Variants in ADAMTS17 observed in about 807,000 individuals in gnomAD.
ADAMTS17 encodes A disintegrin and metalloproteinase with thrombospondin motifs 17.
Under a neutral mutation model 141.5 loss-of-function variants are expected in ADAMTS17, and 113 were observed. The observed-to-expected ratio is 0.80, with a 90% CI of 0.69 to 0.93. The LOEUF (loss-of-function observed/expected upper bound fraction) is 0.93. Ranked by LOEUF, ADAMTS17 falls within the 40% of genes least tolerant of loss-of-function variation. ADAMTS17 has a pLI of 0.00. For synonymous variants in ADAMTS17, 768 were observed against 630.6 expected, an observed-to-expected ratio of 1.22 and a Z score of -3.27; for missense variants, 1,659 against 1,517.9, an observed-to-expected ratio of 1.09 and a Z score of -1.54.
At chr15:100,000,752 A>G (rs1435931877) in intron 18 of ADAMTS17, among the ~76,000 whole-genome samples, 2 of 152,118 alleles carry the variant, frequency 1.3e-5, no homozygotes, top group Non-Finnish European at 2.9e-5. Context: ...ACCTTAAGTG[A>G]TCCACCTGCC....
chr15:99,982,450 T>C (rs2060499441), intron 20 of ADAMTS17, among the ~76,000 whole-genome samples: 1 of 152,180 alleles, frequency 6.6e-6, no homozygotes, highest in East Asian at 1.9e-4. Context: ...CAGACAGGTC[T>C]GAAGGGGCTG....
chr15:100,296,290 C>A (rs1031779634), intron 3 of ADAMTS17, among the ~76,000 whole-genome samples: 1 of 151,872 alleles, frequency 6.6e-6, no homozygotes, highest in African/African-American at 2.4e-5. Flanking sequence ...AGCAAAAGAT[C>A]TGTTTATAGA....
chr15:99,983,448 CCCCTA>C (rs891568447), intron 20 of ADAMTS17, among the ~76,000 whole-genome samples: 10 of 152,198 alleles, frequency 6.6e-5, no homozygotes, highest in South Asian at 4.1e-4. Context: ...GTCTCCATCA[CCCCTA>C]CCCTGATGAC....
At chr15:100,108,966 G>A (rs369246752) in intron 14 of ADAMTS17, 23 bp downstream of exon 14, 1 of 1,613,114 alleles carries the variant, frequency 6.2e-7, no homozygotes, top group Non-Finnish European at 8.5e-7. Context: ...GCCCCACCAA[G>A]GACCGAAGGA....
chr15:100,183,043 C>T (rs1185144270), intron 8 of ADAMTS17, among the ~76,000 whole-genome samples: 1 of 151,954 alleles, frequency 6.6e-6, no homozygotes, highest in Non-Finnish European at 1.5e-5. Flanking sequence ...GGCTGGAGTG[C>T]GGTGGCACGA....
At chr15:100,015,762 T>C (rs189731266) in intron 18 of ADAMTS17, among the ~76,000 whole-genome samples, 1 of 152,364 alleles carries the variant, frequency 6.6e-6, no homozygotes, top group East Asian at 1.9e-4. Context: ...TTTTCTTTTA[T>C]GGGTTACCTG....
intron 7 of ADAMTS17, among the ~76,000 whole-genome samples, chr15:100,223,412 GT>G (rs780815444): frequency 3.9e-5 from 6 of 152,088 alleles, no homozygotes; most frequent in Non-Finnish European, 8.8e-5. Flanking sequence ...TGAGTAACTA[GT>G]TTGCTACTTC....
At chr15:100,096,527 T>A in intron 14 of ADAMTS17, 51 bp from the exon 15 acceptor site, 1 of 1,613,124 alleles carries the variant, frequency 6.2e-7, no homozygotes, top group East Asian at 2.2e-5. Flanking sequence ...CAGAGGAGTT[T>A]TAAAGAGGCT....
intron 7 of ADAMTS17, among the ~76,000 whole-genome samples, chr15:100,221,263 C>T (rs1254945784): frequency 6.9e-6 from 1 of 145,420 alleles, no homozygotes; most frequent in Non-Finnish European, 1.5e-5. Flanking sequence ...ACTAAAGCTA[C>T]GCCAATAAAC....
At chr15:100,077,599 G>T (rs2034468671) in intron 15 of ADAMTS17, among the ~76,000 whole-genome samples, 1 of 152,090 alleles carries the variant, frequency 6.6e-6, no homozygotes, top group Admixed American at 6.6e-5. Context: ...CAACAAACTA[G>T]GAATAGAAGG....
At chr15:100,000,207 C>T (rs2060891937) in intron 18 of ADAMTS17, among the ~76,000 whole-genome samples, 1 of 152,224 alleles carries the variant, frequency 6.6e-6, no homozygotes, top group East Asian at 1.9e-4. Flanking sequence ...CACCTGGCCA[C>T]ACTCAGCACG....
At chr15:100,300,257 G>A (rs533873109) in intron 3 of ADAMTS17, among the ~76,000 whole-genome samples, 2 of 152,238 alleles carry the variant, frequency 1.3e-5, no homozygotes, top group African/African-American at 2.4e-5. Flanking sequence ...CACCACAAGA[G>A]AGAGTGCTCA....
At chr15:100,302,649 C>A (rs1287176828) in intron 3 of ADAMTS17, among the ~76,000 whole-genome samples, 3 of 152,196 alleles carry the variant, frequency 2.0e-5, no homozygotes, top group Non-Finnish European at 2.9e-5. Flanking sequence ...GCTGATGATG[C>A]TGAGCATCTC....
chr15:100,302,312 T>A (rs1019074830), intron 3 of ADAMTS17, among the ~76,000 whole-genome samples: 2 of 152,254 alleles, frequency 1.3e-5, no homozygotes, highest in African/African-American at 2.4e-5. Context: ...ATTCGCAAAT[T>A]GACAGTCATT....
At chr15:100,158,511 C>CGGACTACAATT (rs1455893355) in intron 8 of ADAMTS17, among the ~76,000 whole-genome samples, 2 of 152,058 alleles carry the variant, frequency 1.3e-5, no homozygotes, top group Non-Finnish European at 2.9e-5. Context: ...TACAGTATTG[C>CGGACTACAATT]GGACTACAAT....
chr15:100,109,828 C>A (rs1321323601), intron 13 of ADAMTS17, among the ~76,000 whole-genome samples: 2 of 152,146 alleles, frequency 1.3e-5, no homozygotes, highest in Admixed American at 1.3e-4. Flanking sequence ...CCTCGCAGCA[C>A]TTTGCCTTCT....
At chr15:100,185,745 A>C (rs1311416249) in intron 8 of ADAMTS17, among the ~76,000 whole-genome samples, 3 of 152,152 alleles carry the variant, frequency 2.0e-5, no homozygotes, top group Non-Finnish European at 4.4e-5. Context: ...CACCTCGTCC[A>C]CATAAAGACA....
chr15:100,204,144 C>T (rs530414624), intron 7 of ADAMTS17, among the ~76,000 whole-genome samples: 1 of 152,244 alleles, frequency 6.6e-6, no homozygotes, highest in Non-Finnish European at 1.5e-5. Flanking sequence ...GATAGAAGCT[C>T]ATAACTCTTT....
In ADAMTS17 at chr15:99,997,470, TA is replaced by T. The variant is rs1567657684; in HGVS notation, c.2710del (p.Tyr904ThrfsTer142). 6 of 1,613,304 alleles carry T rather than the reference TA, an allele frequency of 3.7e-6. No homozygotes were observed. The highest frequency in any genetic ancestry group is 5.1e-6 in the Non-Finnish European group (6 of 1,179,922). On this transcript the variant is annotated frameshift_variant, in exon 19 of 22. Transcript: ENST00000268070. LOFTEE classifies it high-confidence loss of function. The surrounding 1 kb of genome is among the most constrained non-coding windows in gnomAD (Gnocchi z 4.7). ...TGCCGCCGGCCGGGGGCCCGGGCAGTAGAGGGGCCGCGTAGCGACGTGTGTG... is the reference window on the plus strand; with the variant it reads ...TGCCGCCGGCCGGGGGCCCGGGCAGTGAGGGGCCGCGTAGCGACGTGTGTG... The part of the protein sequence containing the change: ...NGTHVATRPL[Y>X]CPGPRPAAVQ...
Sources: gnomAD v4.1 joint callset for allele counts (sites outside exome capture counted in the v4.1 genomes callset) on GRCh38, gnomAD v4.1.1 for gene constraint, Gnocchi (gnomAD v3.1) non-coding constraint, MANE v1.5 for transcripts, NCBI Gene and HGNC (gene_info 2026-07-23, HGNC 2026-07-21) for gene names.